STARD13: variants seen among roughly 807,000 people sequenced by gnomAD.
The protein encoded by STARD13 is StAR related lipid transfer domain containing 13, also known as stAR-related lipid transfer protein 13.
STARD13 carries 62 observed loss-of-function variants against 106.4 expected under a neutral mutation model. That is an observed-to-expected ratio of 0.58 (90% CI 0.48 to 0.72). The LOEUF (loss-of-function observed/expected upper bound fraction) is 0.72. STARD13 is among the 30% of genes least tolerant of loss of function. The probability of loss-of-function intolerance (pLI) is 0.00; values close to 1 mark genes in which losing one functional copy is unlikely to be tolerated. For synonymous variants in STARD13, 565 were observed against 553.0 expected (o/e 1.02, Z -0.31); for missense variants, 1,387 against 1,424.0 (o/e 0.97, Z 0.42).
chr13:33,237,622 C>T (rs1398187231), intron 1 of STARD13, among the ~76,000 whole-genome samples: 7 of 152,196 alleles, frequency 4.6e-5, no homozygotes, highest in Non-Finnish European at 8.8e-5. Flanking sequence ...GATCATACCA[C>T]TCATCAGTGT....
chr13:33,158,953 C>G (rs1882308541), intron 3 of STARD13, among the ~76,000 whole-genome samples: 1 of 152,204 alleles, frequency 6.6e-6, no homozygotes, highest in Non-Finnish European at 1.5e-5. Flanking sequence ...CTACACACAG[C>G]TCCTACGCCC....
the STARD13 span, among the ~76,000 whole-genome samples, chr13:33,625,867 A>AAT: frequency 2.6e-5 from 4 of 151,880 alleles, no homozygotes; most frequent in African/African-American, 9.7e-5. Flanking sequence ...ATACCCGGCT[A>AAT]ATTTTTGTAT....
chr13:33,133,926 G>C (rs1289236602), intron 4 of STARD13, among the ~76,000 whole-genome samples: 1 of 152,072 alleles, frequency 6.6e-6, no homozygotes, highest in East Asian at 1.9e-4. Context: ...GTTTAAAAGA[G>C]ATTATCAGAT....
At chr13:33,411,567 C>T in the STARD13 span, among the ~76,000 whole-genome samples, 1 of 152,050 alleles carries the variant, frequency 6.6e-6, no homozygotes, top group Middle Eastern at 3.2e-3. Context: ...GAGGCTCCCA[C>T]CGAGAAACAA....
intron 7 of STARD13, 77 bp downstream of exon 7, chr13:33,126,004 G>A (rs1877100835): frequency 6.5e-7 from 1 of 1,536,240 alleles, no homozygotes; most frequent in Non-Finnish European, 8.9e-7. Context: ...GGGCAGATCT[G>A]ACTCAGTCTG....
chr13:33,571,214 G>C, the STARD13 span, among the ~76,000 whole-genome samples: 1 of 152,076 alleles, frequency 6.6e-6, no homozygotes. Flanking sequence ...AATTGTTCGA[G>C]AATAACAAGT....
the STARD13 span, among the ~76,000 whole-genome samples, chr13:33,511,069 G>A: frequency 3.5e-4 from 53 of 152,188 alleles, no homozygotes; most frequent in Admixed American, 7.9e-4. Context: ...CAGCACTTTG[G>A]GAGGCTGAGG....
chr13:33,628,423 G>A, the STARD13 span, among the ~76,000 whole-genome samples: 5 of 152,286 alleles, frequency 3.3e-5, no homozygotes, highest in South Asian at 2.1e-4. Flanking sequence ...GTATGTGTAC[G>A]AGTCAGAATG....
chr13:33,130,068 A>T lies in STARD13; in HGVS notation c.609T>A (p.Ser203Arg). The change falls in exon 5 of 14, where the codon AGT becomes AGA. Residue 203 changes from serine (S) to arginine (R), a missense_variant. Coordinates refer to ENST00000336934, the MANE Select transcript of STARD13 (RefSeq NM_178006.4). The surrounding 1 kb of genome is among the most constrained non-coding windows in gnomAD (Gnocchi z 4.1). ...PEVCSIHSESSGGSDSRSQPG... is the reference protein window; with the variant it reads ...PEVCSIHSESRGGSDSRSQPG... ...GCTGGCTGCGACTGTCGCTGCCTCC[A>T]CTGCTTTCGCTGTGAATGGAGCAGA... 6.2e-7 allele frequency: 1 copy of T among 1,613,954 alleles called. No homozygotes were observed. The highest frequency in any genetic ancestry group is 8.5e-7 in the Non-Finnish European group (1 of 1,179,978).
At chr13:33,106,481 T>C (rs1873723489) in intron 13 of STARD13, among the ~76,000 whole-genome samples, 1 of 152,230 alleles carries the variant, frequency 6.6e-6, no homozygotes, top group Admixed American at 6.5e-5. Context: ...TGTCAGGCTC[T>C]GTTTCTGGTG....
chr13:33,162,846 T>A (rs937822701), intron 3 of STARD13, among the ~76,000 whole-genome samples: 9 of 152,130 alleles, frequency 5.9e-5, no homozygotes, highest in African/African-American at 1.9e-4. Flanking sequence ...TCCACACTCT[T>A]TCAACTTCTG....
chr13:33,374,607 G>T, the STARD13 span, among the ~76,000 whole-genome samples: 1 of 152,198 alleles, frequency 6.6e-6, no homozygotes, highest in South Asian at 2.1e-4. Context: ...GGGATGCAAA[G>T]ATAATATTCA....
In STARD13 at chr13:33,216,009, C is replaced by T. The variant is rs1258686219; in HGVS notation, c.170-48387G>A. On this transcript the variant is annotated intron_variant, in intron 1 of 13. Transcript: ENST00000336934. ...GGGAATGCAAATCTTAAAACCACAA[C>T]GTGATTCCACCTTACTCTTGCAAGA... Among the ~76,000 whole-genome samples the T allele has an allele frequency of 4.6e-5, 7 of 152,126 alleles. No homozygotes were observed. In the South Asian group the frequency reaches 6.2e-4, roughly 14 times the overall value.
the STARD13 span, among the ~76,000 whole-genome samples, chr13:33,655,478 C>T: frequency 6.6e-6 from 1 of 152,158 alleles, no homozygotes; most frequent in Non-Finnish European, 1.5e-5. Context: ...CAAATTAATG[C>T]ATACTTAGTT....
chr13:33,621,924 C>T, the STARD13 span, among the ~76,000 whole-genome samples: 1 of 151,432 alleles, frequency 6.6e-6, no homozygotes, highest in African/African-American at 2.4e-5. Context: ...CCTACCTCAG[C>T]CTCCTGAGTA....
chr13:33,437,461 C>G, the STARD13 span, among the ~76,000 whole-genome samples: 3 of 152,122 alleles, frequency 2.0e-5, no homozygotes, highest in Admixed American at 1.3e-4. Flanking sequence ...GCCTGCGGCT[C>G]GTCCTGCTAC....
rs116596164 is a variant in STARD13 at position 33,105,368 on chromosome 13, C to T, written c.*225G>A. On this transcript the variant is annotated 3_prime_UTR_variant, in exon 14 of 14. Coordinates refer to ENST00000336934, the MANE Select transcript of STARD13 (RefSeq NM_178006.4). ...TTTTAAGTAATATATATAAAGTTCT[C>T]ATTTTAAAATTATATTAGTAGGGAT... 2,564 of 504,496 alleles carry T rather than the reference C, an allele frequency of 5.1e-3. 53 individuals are homozygous for T. The highest frequency in any genetic ancestry group is 0.044 in the African/African-American group (2,323 of 52,898). The allele number at this position is 504,496 out of a possible 1,614,324, so 31.3% of individuals were successfully genotyped here.
At chr13:33,146,318 C>T (rs1320598955) in intron 3 of STARD13, among the ~76,000 whole-genome samples, 1 of 150,738 alleles carries the variant, frequency 6.6e-6, no homozygotes, top group Non-Finnish European at 1.5e-5. Flanking sequence ...AGTGAAACTC[C>T]ATCTCAAAAA....
chr13:33,490,299 C>T, the STARD13 span, among the ~76,000 whole-genome samples: 1 of 152,072 alleles, frequency 6.6e-6, no homozygotes, highest in Non-Finnish European at 1.5e-5. Flanking sequence ...GGCAGTTCCC[C>T]GGCAAAGGCC....
Sources: gnomAD v4.1 joint callset for allele counts (sites outside exome capture counted in the v4.1 genomes callset) on GRCh38, gnomAD v4.1.1 for gene constraint, Gnocchi (gnomAD v3.1) non-coding constraint, MANE v1.5 for transcripts, NCBI Gene and HGNC (gene_info 2026-07-23, HGNC 2026-07-21) for gene names.